The following NOP14 variants were observed in gnomAD, a reference collection of about 807,000 sequenced individuals.
The protein encoded by NOP14 is nucleolar protein 14.
In NOP14, 57 loss-of-function variants were observed where a neutral mutation model predicts 101.6. The ratio of observed to expected loss-of-function variants is 0.56; its 90% CI spans 0.45 to 0.70. The LOEUF is 0.70. NOP14 is among the 30% of genes least tolerant of loss of function. The pLI is 0.00. For missense variants in NOP14, 1,134 were observed against 1,075.5 expected, an observed-to-expected ratio of 1.05 and a Z score of -0.76; for synonymous variants, 428 against 424.0, an observed-to-expected ratio of 1.01 and a Z score of -0.12.
Position 2,941,669 on chromosome 4 carries a change from G to T in NOP14, c.2112C>A (p.Ser704=), listed in dbSNP as rs1356105109. Residue 704 remains serine, a synonymous_variant, in exon 15 of 18, where the codon TCC becomes TCA. Coordinates refer to ENST00000416614, the MANE Select transcript of NOP14 (RefSeq NM_001291978.2). Reference sequence around the variant, plus strand: ...CCATGATGGCGTGGAAGGATGGCAGGGACCCGTACATGAGCACGCAGCGCT... The same window carrying T: ...CCATGATGGCGTGGAAGGATGGCAGTGACCCGTACATGAGCACGCAGCGCT... ...LLKRCVLMYG[S]LPSFHAIMGP... 6.2e-7 allele frequency: 1 copy of T among 1,613,282 alleles called. No individual in the cohort carries two copies. Among genetic ancestry groups the T allele is most frequent in the African/African-American group, 1.3e-5 (1 of 74,928 alleles).
intron 11 of NOP14, among the ~76,000 whole-genome samples, 184 bp from the exon 12 acceptor site, chr4:2,945,413 G>A (rs772527514): frequency 3.3e-5 from 5 of 152,176 alleles, no homozygotes; most frequent in Non-Finnish European, 5.9e-5. Context: ...CCAGCTAAAC[G>A]TGCAGTGAGG....
chr4:2,946,918 G>C, intron 10 of NOP14: 3 of 282,314 alleles, frequency 1.1e-5, no homozygotes, highest in Non-Finnish European at 2.0e-5. Context: ...ATGACGTGGA[G>C]AGCTCCGCGC....
In NOP14 at chr4:2,938,887, G is replaced by T; in HGVS notation, c.2518C>A (p.Leu840Met). ...KRKVKQLFNS[L>M]ATQEGEWKAL... Reference sequence around the variant, plus strand: ...TTCCATTCGCCTTCCTGTGTAGCCAGGCTGTTAAAAAGCTGCTTTACTTTC... The same window carrying T: ...TTCCATTCGCCTTCCTGTGTAGCCATGCTGTTAAAAAGCTGCTTTACTTTC... The change falls in exon 18 of 18, where the codon CTG becomes ATG. Residue 840 changes from leucine to methionine, a missense_variant. Physicochemically the swap from Leu to Met is conservative, Grantham distance 15. Coordinates refer to ENST00000416614, the MANE Select transcript of NOP14 (RefSeq NM_001291978.2). 1 of 1,614,114 alleles carries T rather than the reference G, an allele frequency of 6.2e-7. No individual in the cohort carries two copies. Among genetic ancestry groups the T allele is most frequent in the Non-Finnish European group, 8.5e-7 (1 of 1,179,992 alleles).
intron 3 of NOP14, among the ~76,000 whole-genome samples, chr4:2,954,843 G>A (rs1420520227): frequency 6.6e-6 from 1 of 152,148 alleles, no homozygotes; most frequent in East Asian, 1.9e-4. Context: ...TGATTGTGCT[G>A]GTTCTAGCGA....
intron 1 of NOP14, among the ~76,000 whole-genome samples, chr4:2,959,490 G>A (rs1200852331): frequency 6.6e-6 from 1 of 152,176 alleles, no homozygotes; most frequent in Non-Finnish European, 1.5e-5. Context: ...CTACTCAGGA[G>A]GCTGAGGCAG....
intron 1 of NOP14, among the ~76,000 whole-genome samples, chr4:2,961,983 C>T (rs1715987879): frequency 6.6e-6 from 1 of 152,152 alleles, no homozygotes; most frequent in African/African-American, 2.4e-5. Context: ...CCTGAGCTGG[C>T]CCTTTAGAGA....
Position 2,963,261 on chromosome 4 carries a change from G to A in NOP14, c.59C>T (p.Ala20Val), listed in dbSNP as rs148023884. The part of the protein sequence containing the change: ...RRKASGAPAG[A>V]RGGPAKANSN... Reference sequence around the variant, plus strand: ...GTTGGCCTTCGCCGGGCCCCCTCGCGCTCCCGCCGGCGCCCCGGAGGCCTT... The same window carrying A: ...GTTGGCCTTCGCCGGGCCCCCTCGCACTCCCGCCGGCGCCCCGGAGGCCTT... The change falls in exon 1 of 18, where the codon GCG becomes GTG. Residue 20 changes from alanine (A) to valine (V), a missense_variant. Coordinates refer to ENST00000416614, the MANE Select transcript of NOP14 (RefSeq NM_001291978.2). The A allele has an allele frequency of 3.0e-4, 471 of 1,590,154 alleles. No individual in the cohort carries two copies. The African/African-American group carries it at 5.4e-3, about 18-fold the overall frequency.
intron 1 of NOP14, among the ~76,000 whole-genome samples, chr4:2,960,913 ATTATAT>A (rs1445512872): frequency 8.3e-5 from 5 of 60,248 alleles, no homozygotes; most frequent in African/African-American, 2.6e-4. Flanking sequence ...TTATATTAAT[ATTATAT>A]CGATATTATT....
At chr4:2,952,672 T>G (rs2109307627) in intron 5 of NOP14, among the ~76,000 whole-genome samples, 1 of 152,366 alleles carries the variant, frequency 6.6e-6, no homozygotes, top group East Asian at 1.9e-4. Flanking sequence ...CCAGGTGCAG[T>G]GGCTCACGCC....
Position 2,950,182 on chromosome 4 carries a change from T to C in NOP14, c.1034A>G (p.Gln345Arg), listed in dbSNP as rs546990506. Reference protein sequence around the residue: ...DGKMNVEEDVQEEQSKEASDP... With the variant: ...DGKMNVEEDVREEQSKEASDP... ...ACTGGCTTCCTTGCTTTGCTCTTCC[T>C]GGACATCTTCCTCGACATTCATCTT... is the stretch of plus-strand genomic sequence containing the variant. Residue 345 changes from glutamine to arginine, a missense_variant, in exon 8 of 18, where the codon CAG becomes CGG. Gln to Arg is a conservative substitution (Grantham distance 43). Transcript: ENST00000416614. 1 of 1,614,050 alleles carries C rather than the reference T, an allele frequency of 6.2e-7. No individual in the cohort carries two copies. Among genetic ancestry groups the C allele is most frequent in the South Asian group, 1.1e-5 (1 of 91,088 alleles).
chr4:2,951,029 T>C (rs1037849239), intron 7 of NOP14, 85 bp downstream of exon 7: 37 of 1,271,206 alleles, frequency 2.9e-5, no homozygotes, highest in Admixed American at 4.4e-5. Flanking sequence ...TTCCCAACTG[T>C]AATAAATCCC....
At position 2,954,819 on chromosome 4, in the gene NOP14, C is replaced by G. The variant is rs112898994; in HGVS notation, c.473-256G>C. Among the ~76,000 whole-genome samples, 913 of 152,230 alleles carry G rather than the reference C, an allele frequency of 6.0e-3. 7 individuals are homozygous for G. Among genetic ancestry groups the G allele is most frequent in the African/African-American group, 0.021 (857 of 41,528 alleles). On this transcript the variant is annotated intron_variant, in intron 3 of 17. Coordinates refer to ENST00000416614, the MANE Select transcript of NOP14 (RefSeq NM_001291978.2). Reference sequence around the variant, plus strand: ...CCGTAACCCAAGTGGCTGGAAACACCCAGCACCTATTTTTGATTGTGCTGG... The same window carrying G: ...CCGTAACCCAAGTGGCTGGAAACACGCAGCACCTATTTTTGATTGTGCTGG...
At chr4:2,951,814 A>C (rs2109306746) in intron 6 of NOP14, among the ~76,000 whole-genome samples, 1 of 152,300 alleles carries the variant, frequency 6.6e-6, no homozygotes, top group Admixed American at 6.5e-5. Context: ...ACAATTTTTG[A>C]AAATTAGCTG....
At position 2,963,138 on chromosome 4, in the gene NOP14, C is replaced by A. The variant is rs747053786; in HGVS notation, c.182G>T (p.Arg61Leu). 2 of 1,563,032 alleles carry A rather than the reference C, an allele frequency of 1.3e-6. No homozygotes were observed. Among genetic ancestry groups the A allele is most frequent in the Non-Finnish European group, 1.7e-6 (2 of 1,157,748 alleles). ...DVGLPGVSRA[R>L]ALRKRTQTLL... ...CCCCCCGCTTACCTTCCTGAGGGCC[C>A]GTGCGCGAGACACCCCGGGCAGTCC... Residue 61 changes from arginine (R) to leucine (L), a missense_variant, in exon 1 of 18, where the codon CGG becomes CTG. Physicochemically the swap from Arg to Leu is moderately radical, Grantham distance 102. Coordinates refer to ENST00000416614, the MANE Select transcript of NOP14 (RefSeq NM_001291978.2).
intron 1 of NOP14, among the ~76,000 whole-genome samples, chr4:2,959,599 A>AT (rs1715591990): frequency 9.2e-6 from 1 of 108,200 alleles, no homozygotes; most frequent in African/African-American, 5.5e-5. Flanking sequence ...TCTCAAAAAC[A>AT]AAAAAAAACA....
chr4:2,952,442 T>C (rs1368315350), intron 5 of NOP14, 45 bp from the exon 6 acceptor site: 1 of 1,487,610 alleles, frequency 6.7e-7, no homozygotes, highest in East Asian at 2.5e-5. Flanking sequence ...ATATATTTAT[T>C]TCTTATTTTA....
In NOP14 at chr4:2,938,313, GA is replaced by G. The variant is rs1388959764; in HGVS notation, c.*517del. On this transcript the variant is annotated 3_prime_UTR_variant, in exon 18 of 18. Transcript: ENST00000416614. ...AGGCAGGTGGATTACCTGAGGTCGG[GA>G]ATTCGAGACCAGCCTGACCAACATG... The G allele has an allele frequency of 1.1e-6, 1 of 912,152 alleles. No individual in the cohort carries two copies. Among genetic ancestry groups the G allele is most frequent in the African/African-American group, 1.7e-5 (1 of 58,196 alleles). 56.5% of individuals were successfully genotyped at this position (912,152 alleles called of 1,614,324 possible).
chr4:2,939,024 G>C, intron 17 of NOP14, 94 bp from the exon 18 acceptor site: 3 of 1,468,636 alleles, frequency 2.0e-6, no homozygotes, highest in Admixed American at 1.7e-5. Context: ...ATTAGCCACC[G>C]TGGCCACGTT....
At chr4:2,942,877 C>T (rs1714322000) in intron 13 of NOP14, among the ~76,000 whole-genome samples, 1 of 152,120 alleles carries the variant, frequency 6.6e-6, no homozygotes, top group Non-Finnish European at 1.5e-5. Context: ...CGGAGAAGGG[C>T]AATCCAGGCC....
Sources: allele counts gnomAD v4.1 joint callset (sites outside exome capture counted in the v4.1 genomes callset), GRCh38; gene constraint gnomAD v4.1.1; transcripts MANE v1.5; gene names NCBI Gene and HGNC (gene_info 2026-07-23, HGNC 2026-07-21).